The following ASMTL variants were observed in gnomAD, a reference collection of about 807,000 sequenced individuals.
ASMTL encodes probable bifunctional dTTP/UTP pyrophosphatase/methyltransferase protein.
ASMTL carries 57 observed loss-of-function variants against 60.3 expected under a neutral mutation model. The ratio of observed to expected loss-of-function variants is 0.95; its 90% CI spans 0.76 to 1.18. The LOEUF (loss-of-function observed/expected upper bound fraction) is 1.18. Among genes scored for constraint, ASMTL ranks in the 50% most tolerant of loss-of-function variants. ASMTL has a pLI of 0.00. For synonymous variants in ASMTL, 419 were observed against 373.0 expected (o/e 1.12, Z -1.42); for missense variants, 981 against 852.6 (o/e 1.15, Z -1.88).
rs1193426080 is a variant in ASMTL at position 1,435,720 on chromosome X, C to T, written c.312G>A (p.Lys104=). Residue 104 remains lysine, a synonymous_variant, in exon 4 of 13, where the codon AAG becomes AAA. Coordinates refer to ENST00000381317, the MANE Select transcript of ASMTL (RefSeq NM_004192.4). ...GGLILEKPVD[K]QDAYRMLSRL... Reference sequence around the variant, plus strand: ...GGGACAGCATCCTGTAGGCGTCCTGCTTGTCCACCGGCTTCTCCAGAATCA... The same window carrying T: ...GGGACAGCATCCTGTAGGCGTCCTGTTTGTCCACCGGCTTCTCCAGAATCA... 3 of 1,613,518 alleles carry T rather than the reference C, an allele frequency of 1.9e-6. No homozygotes were observed. The highest frequency in any genetic ancestry group is 2.5e-6 in the Non-Finnish European group (3 of 1,179,822).
intron 5 of ASMTL, among the ~76,000 whole-genome samples, chrX:1,433,117 G>T (rs1344356611): frequency 6.6e-6 from 1 of 151,748 alleles, no homozygotes; most frequent in African/African-American, 2.4e-5. Flanking sequence ...AATAATAAAA[G>T]AAACAGATGT....
intron 11 of ASMTL, chrX:1,414,028 A>G: frequency 6.6e-6 from 1 of 152,236 alleles, no homozygotes; most frequent in East Asian, 1.9e-4. Context: ...GATGTAATTA[A>G]GGATCTGGAG....
intron 9 of ASMTL, among the ~76,000 whole-genome samples, chrX:1,420,295 TTC>T (rs1315376139): frequency 2.6e-5 from 4 of 151,282 alleles, no homozygotes; most frequent in East Asian, 3.9e-4. Context: ...GTCTCCCTGT[TTC>T]TGTCTCCCTC....
chrX:1,433,767 C>T (rs2090881662), intron 5 of ASMTL, among the ~76,000 whole-genome samples: 1 of 151,858 alleles, frequency 6.6e-6, no homozygotes, highest in Non-Finnish European at 1.5e-5. Context: ...AGAGCTGTGC[C>T]ACGGCGGGCA....
chrX:1,415,235 C>T (rs1417352406), intron 11 of ASMTL, among the ~76,000 whole-genome samples: 3 of 7,410 alleles, frequency 4.0e-4, no homozygotes, highest in African/African-American at 5.6e-4. Flanking sequence ...CCTGTCAATC[C>T]GTCCTGGCCT....
chrX:1,405,299 G>T (rs755427114), intron 12 of ASMTL, among the ~76,000 whole-genome samples: 263 of 142,376 alleles, frequency 1.8e-3, no homozygotes, highest in African/African-American at 5.6e-3. Context: ...TGGATGTGAT[G>T]GATGGGTGAA....
rs2090805958 is a variant in ASMTL, at chrX:1,432,059, C to T, written c.509+210G>A. 2.7e-5 allele frequency: 16 copies of T among 597,704 alleles called. No homozygotes were observed. In the South Asian group the frequency reaches 3.2e-4, roughly 12 times the overall value. 37.0% of individuals were successfully genotyped at this position (597,704 alleles called of 1,614,324 possible). ...CAGCGTTGGCTCCCACCCTGCCCCTCTCTGTCCTGGGAGTTTGCCTCTTTG... is the reference window on the plus strand; with the variant it reads ...CAGCGTTGGCTCCCACCCTGCCCCTTTCTGTCCTGGGAGTTTGCCTCTTTG... On this transcript the variant is annotated intron_variant, in intron 6 of 12. Transcript: ENST00000381317.
At chrX:1,407,945 C>T (rs1350098879) in intron 12 of ASMTL, among the ~76,000 whole-genome samples, 1 of 152,016 alleles carries the variant, frequency 6.6e-6, no homozygotes, top group Admixed American at 6.6e-5. Flanking sequence ...TGGCTCATGT[C>T]TTTAACCCCA....
At chrX:1,404,507 T>G (rs1330507436) in intron 12 of ASMTL, among the ~76,000 whole-genome samples, 1 of 148,890 alleles carries the variant, frequency 6.7e-6, no homozygotes, top group Non-Finnish European at 1.5e-5. Context: ...GATGGGTGAA[T>G]AGATAGTAGA....
intron 10 of ASMTL, among the ~76,000 whole-genome samples, chrX:1,418,421 G>A (rs1186965347): frequency 2.0e-5 from 3 of 150,992 alleles, no homozygotes; most frequent in Admixed American, 6.6e-5. Context: ...TCTGGGCCAC[G>A]TGTAGGGGGC....
At position 1,418,128 on chromosome X, in the gene ASMTL, C is replaced by G. The variant is rs771819472; in HGVS notation, c.1379-12G>C. 6 of 1,585,622 alleles carry G rather than the reference C, an allele frequency of 3.8e-6. No individual in the cohort carries two copies. The South Asian group carries it at 4.6e-5, about 12-fold the overall frequency. On this transcript the variant is annotated splice_polypyrimidine_tract_variant and intron_variant, in intron 10 of 12. Transcript: ENST00000381317. Reference sequence around the variant, plus strand: ...TGCACCCGTGCAGCCTGCGGGGAAGCAAATGCATGCTCTGTGGCTGGGTCG... The same window carrying G: ...TGCACCCGTGCAGCCTGCGGGGAAGGAAATGCATGCTCTGTGGCTGGGTCG...
intron 1 of ASMTL, among the ~76,000 whole-genome samples, chrX:1,450,434 C>T (rs1480691498): frequency 6.6e-6 from 1 of 151,528 alleles, no homozygotes; most frequent in African/African-American, 2.4e-5. Context: ...TCCCCCACCC[C>T]TAGGGGGTCC....
intron 5 of ASMTL, among the ~76,000 whole-genome samples, chrX:1,434,817 A>T (rs1408842969): frequency 6.6e-6 from 1 of 151,782 alleles, no homozygotes; most frequent in Non-Finnish European, 1.5e-5. Flanking sequence ...AAAAGAAAGA[A>T]AAAGAAAAAG....
At chrX:1,435,361 C>A in intron 4 of ASMTL, 1 of 607,676 alleles carries the variant, frequency 1.6e-6, no homozygotes. Flanking sequence ...GCATCTCTTC[C>A]ACGTCCTGGG....
At chrX:1,424,623 T>A (rs1486089880) in intron 8 of ASMTL, among the ~76,000 whole-genome samples, 2 of 148,306 alleles carry the variant, frequency 1.3e-5, no homozygotes, top group Non-Finnish European at 3.0e-5. Flanking sequence ...CACCCATCCA[T>A]CCACTTACCC....
At chrX:1,424,676 C>T (rs2090566814) in intron 8 of ASMTL, among the ~76,000 whole-genome samples, 1 of 151,194 alleles carries the variant, frequency 6.6e-6, no homozygotes, top group Non-Finnish European at 1.5e-5. Flanking sequence ...ATCCATCCAT[C>T]CATCTACCCA....
chrX:1,443,139 A>G (rs1306492080), intron 1 of ASMTL, among the ~76,000 whole-genome samples: 43 of 150,928 alleles, frequency 2.8e-4, no homozygotes, highest in African/African-American at 1.0e-3. Context: ...TCGTGGACAC[A>G]CGCCGCCATC....
intron 9 of ASMTL, among the ~76,000 whole-genome samples, chrX:1,420,375 A>G (rs1210007627): frequency 6.9e-6 from 1 of 144,422 alleles, no homozygotes; most frequent in Non-Finnish European, 1.5e-5. Flanking sequence ...CTGTCTGCCT[A>G]TCTCTCTCTC....
intron 12 of ASMTL, among the ~76,000 whole-genome samples, chrX:1,407,174 T>C (rs192432942): frequency 1.0e-3 from 151 of 146,326 alleles, no homozygotes; most frequent in African/African-American, 3.8e-3. Flanking sequence ...TGAATGGATG[T>C]ATATAGATGG....
Sources: allele counts gnomAD v4.1 joint callset (sites outside exome capture counted in the v4.1 genomes callset), GRCh38; gene constraint gnomAD v4.1.1; transcripts MANE v1.5; gene names NCBI Gene and HGNC (gene_info 2026-07-23, HGNC 2026-07-21).